Variants in SHISA9 observed in about 807,000 individuals in gnomAD.
SHISA9 encodes the protein shisa family member 9.
SHISA9 carries 13 observed loss-of-function variants against 38.0 expected under a neutral mutation model. The observed-to-expected ratio is 0.34, with a 90% CI of 0.22 to 0.54. The LOEUF (loss-of-function observed/expected upper bound fraction) is 0.54, where lower values mean the gene tolerates loss of function less well. Among genes scored for constraint, SHISA9 ranks in the 20% least tolerant of loss-of-function variants. SHISA9 has a pLI of 0.91. For missense variants in SHISA9, 538 were observed against 575.8 expected (o/e 0.93, Z 0.67); for synonymous variants, 275 against 242.0 (o/e 1.14, Z -1.27).
At chr16:13,126,438 G>A (rs1596666060) in intron 2 of SHISA9, among the ~76,000 whole-genome samples, 1 of 151,924 alleles carries the variant, frequency 6.6e-6, no homozygotes, top group Admixed American at 6.6e-5. Flanking sequence ...GGGAGAGAGA[G>A]AGGGAGAGGG....
chr16:13,469,432 A>AAAGAAAAAGG, the SHISA9 span, among the ~76,000 whole-genome samples: 2 of 131,046 alleles, frequency 1.5e-5, no homozygotes, highest in African/African-American at 5.7e-5. Flanking sequence ...AAAAAGAAAG[A>AAAGAAAAAGG]AAGAGAAAGA....
chr16:13,017,182 G>T (rs2072768238), intron 2 of SHISA9, among the ~76,000 whole-genome samples: 2 of 151,998 alleles, frequency 1.3e-5, no homozygotes, highest in African/African-American at 2.4e-5. Flanking sequence ...ACCATGCCTG[G>T]CTAATTTTTG....
At chr16:13,190,147 G>A (rs903483063) in intron 2 of SHISA9, among the ~76,000 whole-genome samples, 1 of 150,144 alleles carries the variant, frequency 6.7e-6, no homozygotes, top group African/African-American at 2.5e-5. Context: ...AGTTACATAT[G>A]TATACATGTG....
chr16:13,528,499 T>C, the SHISA9 span, among the ~76,000 whole-genome samples: 2 of 152,144 alleles, frequency 1.3e-5, no homozygotes, highest in Non-Finnish European at 1.5e-5. Context: ...AAAAACTGGG[T>C]TACTGAATTG....
At chr16:13,283,638 C>G in the SHISA9 span, among the ~76,000 whole-genome samples, 3 of 151,948 alleles carry the variant, frequency 2.0e-5, no homozygotes, top group African/African-American at 7.3e-5. Context: ...CAGTTATCTC[C>G]CACCAGATCC....
At chr16:13,143,247 T>A (rs950860222) in intron 2 of SHISA9, among the ~76,000 whole-genome samples, 1 of 152,018 alleles carries the variant, frequency 6.6e-6, no homozygotes, top group Non-Finnish European at 1.5e-5. Context: ...TGACCTAAGG[T>A]GATCAACCCT....
the SHISA9 span, among the ~76,000 whole-genome samples, chr16:13,372,118 G>C: frequency 6.6e-6 from 1 of 152,176 alleles, no homozygotes; most frequent in Non-Finnish European, 1.5e-5. Context: ...TTGCTAAAGA[G>C]TCTGTGCTAG....
At chr16:13,520,475 C>T in the SHISA9 span, among the ~76,000 whole-genome samples, 1 of 151,436 alleles carries the variant, frequency 6.6e-6, no homozygotes, top group African/African-American at 2.4e-5. Flanking sequence ...TGGTGGCAGG[C>T]ACCTGTAATC....
the SHISA9 span, among the ~76,000 whole-genome samples, chr16:13,539,344 AAGATATATATATAT>A: frequency 0.053 from 2,493 of 47,334 alleles, 310 homozygotes; most frequent in East Asian, 0.091. Flanking sequence ...TATATATATA[AAGATATATATATAT>A]AAAGACAGGA....
Position 13,200,927 on chromosome 16 carries a change from C to T in SHISA9, c.692-2467C>T, listed in dbSNP as rs74558478. Among the ~76,000 whole-genome samples, 21 of 135,326 alleles carry T rather than the reference C, an allele frequency of 1.6e-4. 6 individuals are homozygous for T. The highest frequency in any genetic ancestry group is 3.4e-4 in the Non-Finnish European group (21 of 62,138). 88.8% of individuals were successfully genotyped at this position (135,326 alleles called of 152,430 possible). Reference sequence around the variant, plus strand: ...TTGGTTTCTAAAGCCACACATTTTCCGTATGCATCAGGGGTTGAGTTATCT... The same window carrying T: ...TTGGTTTCTAAAGCCACACATTTTCTGTATGCATCAGGGGTTGAGTTATCT... On this transcript the variant is annotated intron_variant, in intron 2 of 4. Coordinates refer to ENST00000558583, the MANE Select transcript of SHISA9 (RefSeq NM_001145204.3).
At chr16:13,173,150 T>TGCGCAC (rs1555467926) in intron 2 of SHISA9, among the ~76,000 whole-genome samples, 2 of 141,810 alleles carry the variant, frequency 1.4e-5, no homozygotes, top group Non-Finnish European at 3.2e-5. Flanking sequence ...GAGATGCACG[T>TGCGCAC]GCGCACACAC....
At chr16:13,456,035 A>G in the SHISA9 span, among the ~76,000 whole-genome samples, 1 of 152,224 alleles carries the variant, frequency 6.6e-6, no homozygotes, top group Non-Finnish European at 1.5e-5. Flanking sequence ...GTCTTGAGAA[A>G]GACAAACAAA....
chr16:13,537,661 G>A, the SHISA9 span, among the ~76,000 whole-genome samples: 4 of 152,104 alleles, frequency 2.6e-5, no homozygotes, highest in African/African-American at 7.2e-5. Context: ...TTTGGCGGCC[G>A]TGGGACAATT....
intron 2 of SHISA9, among the ~76,000 whole-genome samples, chr16:13,095,590 A>C (rs932007509): frequency 1.3e-4 from 20 of 152,246 alleles, no homozygotes; most frequent in African/African-American, 4.3e-4. Flanking sequence ...AAAGGACTAC[A>C]GTCCAGACCA....
At chr16:12,945,475 C>T (rs1353777056) in intron 2 of SHISA9, among the ~76,000 whole-genome samples, 1 of 152,086 alleles carries the variant, frequency 6.6e-6, no homozygotes, top group Non-Finnish European at 1.5e-5. Context: ...AATAGGTACT[C>T]CTTGAAGAAA....
chr16:13,469,378 AAAG>A, the SHISA9 span, among the ~76,000 whole-genome samples: 296 of 86,790 alleles, frequency 3.4e-3, no homozygotes, highest in African/African-American at 6.5e-3. Context: ...AGAAAGAAAG[AAAG>A]AAAGAAAGAA....
intron 3 of SHISA9, among the ~76,000 whole-genome samples, chr16:13,205,830 C>T (rs1365812681): frequency 1.3e-5 from 2 of 152,034 alleles, no homozygotes; most frequent in East Asian, 1.9e-4. Context: ...GGCACGATAT[C>T]GGTTCACTGC....
intron 2 of SHISA9, among the ~76,000 whole-genome samples, chr16:13,071,299 T>A (rs1449943266): frequency 6.6e-6 from 1 of 152,184 alleles, no homozygotes; most frequent in African/African-American, 2.4e-5. Context: ...GGGATAAGAA[T>A]CAACTAGCAG....
chr16:13,188,975 CAG>C (rs1273872681), intron 2 of SHISA9, among the ~76,000 whole-genome samples: 1 of 152,034 alleles, frequency 6.6e-6, no homozygotes, highest in African/African-American at 2.4e-5. Context: ...CAGACACACA[CAG>C]AGAATGCCAT....
Sources: allele counts gnomAD v4.1 joint callset (sites outside exome capture counted in the v4.1 genomes callset), GRCh38; gene constraint gnomAD v4.1.1; transcripts MANE v1.5; gene names NCBI Gene and HGNC (gene_info 2026-07-23, HGNC 2026-07-21).